The following ZFAND4 variants were observed in gnomAD, a reference collection of about 807,000 sequenced individuals.
ZFAND4 encodes zinc finger AN1-type containing 4.
ZFAND4 carries 43 observed loss-of-function variants against 64.4 expected under a neutral mutation model. That is an observed-to-expected ratio of 0.67 (90% CI 0.52 to 0.86). The LOEUF (loss-of-function observed/expected upper bound fraction) is 0.86. Among genes scored for constraint, ZFAND4 ranks in the 40% least tolerant of loss-of-function variants. The probability of loss-of-function intolerance (pLI) is 0.00; values close to 1 mark genes in which losing one functional copy is unlikely to be tolerated. For synonymous variants in ZFAND4, 296 were observed against 305.7 expected (o/e 0.97, Z 0.33); for missense variants, 929 against 859.8 (o/e 1.08, Z -1.01).
At chr10:45,646,284 C>A (rs1348764581) in intron 5 of ZFAND4, among the ~76,000 whole-genome samples, 1 of 152,084 alleles carries the variant, frequency 6.6e-6, no homozygotes, top group Non-Finnish European at 1.5e-5. Flanking sequence ...TGTCTCTTGG[C>A]CTAAAAATCC....
intron 9 of ZFAND4, among the ~76,000 whole-genome samples, chr10:45,616,786 G>C (rs2044993232): frequency 6.6e-6 from 1 of 152,122 alleles, no homozygotes; most frequent in Non-Finnish European, 1.5e-5. Context: ...TTATGATAAA[G>C]AAGTCATTAT....
intron 1 of ZFAND4, among the ~76,000 whole-genome samples, chr10:45,668,817 G>T (rs1205195855): frequency 2.0e-5 from 3 of 152,196 alleles, no homozygotes; most frequent in Non-Finnish European, 4.4e-5. Context: ...ATAACGAAAT[G>T]AAGGCAGAAA....
In ZFAND4 at chr10:45,615,722, T is replaced by TA. The variant is rs1281416881; in HGVS notation, c.*713dup. ...AAGGTAAAAAGTTGGCTTCTATATTTAATGGCAAGTGGGACATCTTCTATT... is the reference window on the plus strand; with the variant it reads ...AAGGTAAAAAGTTGGCTTCTATATTTAAATGGCAAGTGGGACATCTTCTATT... On this transcript the variant is annotated 3_prime_UTR_variant, in exon 10 of 10. Transcript: ENST00000344646. 2.6e-5 allele frequency: 4 copies of TA among 152,104 alleles called. No individual in the cohort carries two copies. Among genetic ancestry groups the TA allele is most frequent in the African/African-American group, 9.6e-5 (4 of 41,454 alleles). The allele number at this position is 152,104 out of a possible 1,614,324, so 9.4% of individuals were successfully genotyped here. A position where few individuals can be genotyped will look rare whatever the true frequency, so the allele number is the denominator to read the frequency against.
intron 6 of ZFAND4, among the ~76,000 whole-genome samples, chr10:45,635,214 C>CAAAAAAAAAAAAAAAAAAAAAA (rs76130878): frequency 5.9e-5 from 4 of 68,278 alleles, no homozygotes; most frequent in African/African-American, 1.7e-4. Flanking sequence ...AAAAAAAAAA[C>CAAAAAAAAAAAAAAAAAAAAAA]AAAAAAAAAA....
At chr10:45,658,155 T>C (rs2048253390) in intron 2 of ZFAND4, among the ~76,000 whole-genome samples, 1 of 152,204 alleles carries the variant, frequency 6.6e-6, no homozygotes, top group Non-Finnish European at 1.5e-5. Flanking sequence ...AATCTTGACA[T>C]ATGTATTCAA....
At chr10:45,659,326 A>G (rs546133902) in intron 2 of ZFAND4, among the ~76,000 whole-genome samples, 1 of 152,346 alleles carries the variant, frequency 6.6e-6, no homozygotes, top group Admixed American at 6.5e-5. Context: ...CCAGTATAAC[A>G]ACAGTGGATT....
At chr10:45,654,402 C>T (rs1458502481) in intron 2 of ZFAND4, among the ~76,000 whole-genome samples, 1 of 152,056 alleles carries the variant, frequency 6.6e-6, no homozygotes, top group Non-Finnish European at 1.5e-5. Context: ...AGGTGGATCA[C>T]GAGGTCAAGA....
At chr10:45,654,576 G>A (rs894431829) in intron 2 of ZFAND4, among the ~76,000 whole-genome samples, 7 of 151,022 alleles carry the variant, frequency 4.6e-5, no homozygotes, top group Non-Finnish European at 8.8e-5. Flanking sequence ...CCGAGATTGC[G>A]CCACTGCACT....
In ZFAND4 at chr10:45,639,809, G is replaced by A; in HGVS notation, c.717+7C>T. 1 of 1,606,892 alleles carries A rather than the reference G, an allele frequency of 6.2e-7. No individual in the cohort carries two copies. The highest frequency in any genetic ancestry group is 8.5e-7 in the Non-Finnish European group (1 of 1,177,368). On this transcript the variant is annotated splice_region_variant and intron_variant, in intron 6 of 9. Coordinates refer to ENST00000344646, the MANE Select transcript of ZFAND4 (RefSeq NM_174890.4). ...AGATAAGCCTGGTCAAATGCCAACA[G>A]CTTCACCTTTTTGCTGAGATTCATG...
chr10:45,649,957 T>C (rs1190298967), intron 4 of ZFAND4, among the ~76,000 whole-genome samples: 1 of 152,154 alleles, frequency 6.6e-6, no homozygotes, highest in Non-Finnish European at 1.5e-5. Context: ...GTGGATCTTC[T>C]CATAACAGAA....
chr10:45,641,958 A>T (rs1350752313), intron 5 of ZFAND4, among the ~76,000 whole-genome samples: 2 of 152,164 alleles, frequency 1.3e-5, no homozygotes, highest in African/African-American at 4.8e-5. Context: ...TTCCCCAGGC[A>T]CCAAATGACA....
chr10:45,628,738 A>AACAT (rs745821424), intron 6 of ZFAND4, among the ~76,000 whole-genome samples: 2 of 152,182 alleles, frequency 1.3e-5, no homozygotes, highest in Non-Finnish European at 2.9e-5. Flanking sequence ...ACAGATCAAC[A>AACAT]ACATACACAA....
chr10:45,621,831 ATTTT>A (rs992376556), intron 8 of ZFAND4, among the ~76,000 whole-genome samples: 1 of 152,098 alleles, frequency 6.6e-6, no homozygotes, highest in Non-Finnish European at 1.5e-5. Flanking sequence ...ATAGCCTAGA[ATTTT>A]TTTTAAAAAA....
intron 2 of ZFAND4, 63 bp downstream of exon 2, chr10:45,663,476 AACT>A: frequency 7.9e-7 from 1 of 1,272,948 alleles, no homozygotes; most frequent in African/African-American, 1.5e-5. Flanking sequence ...ATACTTTAAA[AACT>A]ACTAGACATT....
chr10:45,624,719 T>A, intron 7 of ZFAND4, 82 bp from the exon 8 acceptor site: 1 of 1,171,660 alleles, frequency 8.5e-7, no homozygotes, highest in Non-Finnish European at 1.2e-6. Flanking sequence ...ACTTGTATTT[T>A]ATCACTAAGA....
At position 45,635,228 on chromosome 10, in the gene ZFAND4, A is replaced by C. The variant is rs12774796; in HGVS notation, c.717+4588T>G. 5.8e-5 allele frequency among the ~76,000 whole-genome samples: 8 copies of C among 137,390 alleles called. 1 individual carries two copies. Among genetic ancestry groups the C allele is most frequent in the African/African-American group, 1.8e-4 (7 of 38,006 alleles). 90.1% of individuals were successfully genotyped at this position (137,390 alleles called of 152,430 possible). Reference sequence around the variant, plus strand: ...AAAAAAAAAAACAAAAAAAAAACAAACAAAAAAAAACTGGAAGAATCACAA... The same window carrying C: ...AAAAAAAAAAACAAAAAAAAAACAACCAAAAAAAAACTGGAAGAATCACAA... On this transcript the variant is annotated intron_variant, in intron 6 of 9. Coordinates refer to ENST00000344646, the MANE Select transcript of ZFAND4 (RefSeq NM_174890.4).
intron 8 of ZFAND4, among the ~76,000 whole-genome samples, chr10:45,623,224 T>A (rs1195571032): frequency 6.6e-6 from 1 of 152,112 alleles, no homozygotes; most frequent in Non-Finnish European, 1.5e-5. Context: ...CCTCAAAAAA[T>A]TAAAAATAGA....
chr10:45,646,034 T>G (rs2047355089), intron 5 of ZFAND4, among the ~76,000 whole-genome samples: 1 of 152,150 alleles, frequency 6.6e-6, no homozygotes, highest in Non-Finnish European at 1.5e-5. Context: ...ACAGATCAGC[T>G]CTAACAAGTG....
At chr10:45,654,286 C>A (rs1402231225) in intron 2 of ZFAND4, among the ~76,000 whole-genome samples, 1 of 152,086 alleles carries the variant, frequency 6.6e-6, no homozygotes, top group Admixed American at 6.6e-5. Context: ...ACGTAACAAA[C>A]CTACCCATGT....
Sources: gnomAD v4.1 joint callset for allele counts (sites outside exome capture counted in the v4.1 genomes callset) on GRCh38, gnomAD v4.1.1 for gene constraint, MANE v1.5 for transcripts, NCBI Gene and HGNC (gene_info 2026-07-23, HGNC 2026-07-21) for gene names.